Variants in DNAJC3 observed in about 807,000 individuals in gnomAD.
DNAJC3 encodes dnaJ homolog subfamily C member 3.
DNAJC3 carries 38 observed loss-of-function variants against 68.6 expected under a neutral mutation model. The ratio of observed to expected loss-of-function variants is 0.55; its 90% confidence interval spans 0.43 to 0.73. The LOEUF (loss-of-function observed/expected upper bound fraction) is 0.73. Among genes scored for constraint, DNAJC3 ranks in the 30% least tolerant of loss-of-function variants. The pLI, the probability that DNAJC3 is intolerant of heterozygous loss-of-function variation, is 0.00. For synonymous variants in DNAJC3, 203 were observed against 204.0 expected (o/e 1.00, Z 0.04); for missense variants, 526 against 591.9 (o/e 0.89, Z 1.16).
chr13:95,728,289 T>C (rs1881594779), intron 4 of DNAJC3, among the ~76,000 whole-genome samples: 1 of 152,232 alleles, frequency 6.6e-6, no homozygotes, highest in African/African-American at 2.4e-5. Context: ...CAAATTGCTT[T>C]CCAGAGTGAC....
In DNAJC3 at chr13:95,723,311, A is replaced by C; in HGVS notation, c.263A>C (p.Lys88Thr). ...ATVFLAMGKS[K>T]AALPDLTKVI... Reference sequence around the variant, plus strand: ...GTCTTTTTAGCTATGGGCAAATCAAAAGCTGCACTTCCTGATTTAACTAAA... The same window carrying C: ...GTCTTTTTAGCTATGGGCAAATCAACAGCTGCACTTCCTGATTTAACTAAA... The change falls in exon 3 of 12, where the codon AAA becomes ACA. Residue 88 changes from lysine to threonine, a missense_variant. Coordinates refer to ENST00000602402, the MANE Select transcript of DNAJC3 (RefSeq NM_006260.5). The C allele has an allele frequency of 6.2e-7, 1 of 1,611,826 alleles. No individual in the cohort carries two copies. Among genetic ancestry groups the C allele is most frequent in the Non-Finnish European group, 8.5e-7 (1 of 1,178,216 alleles).
intron 2 of DNAJC3, among the ~76,000 whole-genome samples, chr13:95,715,758 A>T (rs1881122533): frequency 6.6e-6 from 1 of 151,578 alleles, no homozygotes; most frequent in Admixed American, 6.6e-5. Flanking sequence ...AAATGTTGGG[A>T]TTACAGGCAT....
At chr13:95,748,197 A>G (rs560479899) in intron 4 of DNAJC3, among the ~76,000 whole-genome samples, 1 of 152,200 alleles carries the variant, frequency 6.6e-6, no homozygotes, top group Non-Finnish European at 1.5e-5. Context: ...AATTATATTT[A>G]ATTCAATTTA....
chr13:95,769,333 T>C (rs1373812302), intron 9 of DNAJC3, among the ~76,000 whole-genome samples: 4 of 152,180 alleles, frequency 2.6e-5, no homozygotes, highest in Non-Finnish European at 5.9e-5. Context: ...ATGCTTTTTT[T>C]CAAGGTTGTT....
At chr13:95,702,483 G>A (rs1469175535) in intron 1 of DNAJC3, among the ~76,000 whole-genome samples, 1 of 152,208 alleles carries the variant, frequency 6.6e-6, no homozygotes, top group Admixed American at 6.5e-5. Flanking sequence ...TTCATATGTT[G>A]AAACCTAATC....
chr13:95,729,312 C>CTCCCTCTCCCTGTCCTTT, intron 4 of DNAJC3, among the ~76,000 whole-genome samples: 1 of 118,568 alleles, frequency 8.4e-6, no homozygotes, highest in Non-Finnish European at 1.7e-5. Context: ...CCCTCTCCTT[C>CTCCCTCTCCCTGTCCTTT]TCCCTCTCCC....
At chr13:95,708,630 G>A (rs981985518) in intron 1 of DNAJC3, among the ~76,000 whole-genome samples, 7 of 152,062 alleles carry the variant, frequency 4.6e-5, no homozygotes, top group South Asian at 4.1e-4. Context: ...TGCCCTTTAC[G>A]CGCTTATTTG....
intron 1 of DNAJC3, among the ~76,000 whole-genome samples, chr13:95,696,110 C>T (rs1880432722): frequency 6.6e-6 from 1 of 152,156 alleles, no homozygotes; most frequent in Non-Finnish European, 1.5e-5. Context: ...CTCATTCAGA[C>T]ATTACACTCA....
chr13:95,698,634 G>A (rs1880511487), intron 1 of DNAJC3, among the ~76,000 whole-genome samples: 1 of 152,178 alleles, frequency 6.6e-6, no homozygotes, highest in African/African-American at 2.4e-5. Context: ...CAGTGTAGCC[G>A]AGAGTCACAG....
Position 95,725,361 on chromosome 13 carries a change from G to C in DNAJC3, c.393+109G>C, listed in dbSNP as rs1593981784. On this transcript the variant is annotated intron_variant, in intron 4 of 11. Transcript: ENST00000602402. ...GTAATTTTATAGCTAAGAGTCAATA[G>C]TCTTAGACAGTAAATAGAGAATAGC... 6.1e-6 allele frequency: 4 copies of C among 660,962 alleles called. No individual in the cohort carries two copies. In the East Asian group the frequency reaches 1.3e-4, roughly 21 times the overall value. The allele number at this position is 660,962 out of a possible 1,614,324, so 40.9% of individuals were successfully genotyped here.
At chr13:95,716,846 G>A (rs1881165619) in intron 2 of DNAJC3, among the ~76,000 whole-genome samples, 1 of 152,168 alleles carries the variant, frequency 6.6e-6, no homozygotes, top group Non-Finnish European at 1.5e-5. Context: ...TGGGGTGCGT[G>A]GCTGGCCAGA....
chr13:95,721,313 A>G (rs1206501556), intron 2 of DNAJC3, among the ~76,000 whole-genome samples: 4 of 152,206 alleles, frequency 2.6e-5, no homozygotes, highest in African/African-American at 9.6e-5. Context: ...CCATTCATCC[A>G]CTGATGGACT....
intron 4 of DNAJC3, among the ~76,000 whole-genome samples, chr13:95,732,122 A>G (rs2139649267): frequency 6.6e-6 from 1 of 152,228 alleles, no homozygotes; most frequent in South Asian, 2.1e-4. Flanking sequence ...CATCAAAGAC[A>G]TTGGCCTGTA....
intron 11 of DNAJC3, among the ~76,000 whole-genome samples, chr13:95,790,322 G>C (rs766022036): frequency 1.3e-5 from 2 of 152,010 alleles, no homozygotes; most frequent in Non-Finnish European, 2.9e-5. Flanking sequence ...ATCTCTCTCT[G>C]TTCGGGGCTC....
At position 95,793,512 on chromosome 13, in the gene DNAJC3, CAG is replaced by C. The variant is rs1280258617; in HGVS notation, c.*2484_*2485del. 9.7e-6 allele frequency: 1 copy of C among 103,230 alleles called. No individual in the cohort carries two copies. Among genetic ancestry groups the C allele is most frequent in the Non-Finnish European group, 1.8e-5 (1 of 56,340 alleles). 6.4% of individuals were successfully genotyped at this position (103,230 alleles called of 1,614,324 possible). ...TTTTTTTTTTTTTTTTTTTTTGAGA[CAG>C]AATCTTGCTCTGTTGCCCAGGCTGG... On this transcript the variant is annotated 3_prime_UTR_variant, in exon 12 of 12. Transcript: ENST00000602402.
chr13:95,762,144 C>A (rs1476830783), intron 7 of DNAJC3, among the ~76,000 whole-genome samples: 1 of 152,134 alleles, frequency 6.6e-6, no homozygotes, highest in Non-Finnish European at 1.5e-5. Flanking sequence ...TGCCTGTAAT[C>A]CCAGCTACTG....
At chr13:95,758,544 G>A (rs1048703440) in intron 5 of DNAJC3, among the ~76,000 whole-genome samples, 23 of 151,330 alleles carry the variant, frequency 1.5e-4, no homozygotes, top group South Asian at 6.3e-4. Context: ...AGGCTGAGGC[G>A]CTCGAACCTG....
chr13:95,771,801 C>G (rs891250286), intron 9 of DNAJC3, among the ~76,000 whole-genome samples: 3 of 152,034 alleles, frequency 2.0e-5, no homozygotes, highest in Non-Finnish European at 2.9e-5. Context: ...TCCCACCCCC[C>G]CACAGGCAAC....
rs1446305936 is a variant in DNAJC3 at position 95,763,960 on chromosome 13, C to T, written c.1075+7C>T. On this transcript the variant is annotated splice_region_variant and intron_variant, in intron 9 of 11. Coordinates refer to ENST00000602402, the MANE Select transcript of DNAJC3 (RefSeq NM_006260.5). ...GAGGAAATGTATGATGAAGGTAAAT[C>T]TTTAAGGATTTGATTTGCAGTACCG... 2.5e-6 allele frequency: 4 copies of T among 1,613,148 alleles called. No individual in the cohort carries two copies. Among genetic ancestry groups the T allele is most frequent in the Non-Finnish European group, 3.4e-6 (4 of 1,179,708 alleles).
Sources: allele counts gnomAD v4.1 joint callset (sites outside exome capture counted in the v4.1 genomes callset), GRCh38; gene constraint gnomAD v4.1.1; transcripts MANE v1.5; gene names NCBI Gene and HGNC (gene_info 2026-07-23, HGNC 2026-07-21).